Variants in CALML6 observed in about 807,000 individuals in gnomAD.
CALML6 encodes the protein calmodulin-like protein 6.
Under a neutral mutation model 25.0 loss-of-function variants are expected in CALML6, and 27 were observed. The observed-to-expected ratio is 1.08, with a 90% CI of 0.80 to 1.49. The LOEUF (loss-of-function observed/expected upper bound fraction) is 1.49. Ranked by LOEUF, CALML6 falls within the 40% of genes most tolerant of loss-of-function variation. CALML6 has a pLI of 0.00. For synonymous variants in CALML6, 97 were observed against 87.2 expected, an observed-to-expected ratio of 1.11 and a Z score of -0.63; for missense variants, 239 against 232.7, an observed-to-expected ratio of 1.03 and a Z score of -0.18.
chr1:1,917,247 C>A lies in CALML6; in HGVS notation c.*54C>A, dbSNP rs1570794407. The A allele has an allele frequency of 9.2e-6, 14 of 1,519,092 alleles. No homozygotes were observed. The highest frequency in any genetic ancestry group is 1.2e-5 in the Non-Finnish European group (13 of 1,126,722). The allele number at this position is 1,519,092 out of a possible 1,614,324, so 94.1% of individuals were successfully genotyped here. A position where few individuals can be genotyped will look rare whatever the true frequency, so the allele number is the denominator to read the frequency against. ...GCCCGGGAAGGCTGCTGCCCCTGCC[C>A]CCTGGCCCCCACTCCCCCGGCTCCG... On this transcript the variant is annotated 3_prime_UTR_variant, in exon 6 of 6. Coordinates refer to ENST00000307786, the MANE Select transcript of CALML6 (RefSeq NM_138705.4).
chr1:1,916,771 C>T lies in CALML6; in HGVS notation c.273C>T (p.Cys91=), dbSNP rs367726631. 1.2e-5 allele frequency: 19 copies of T among 1,613,448 alleles called. No individual in the cohort carries two copies. Among genetic ancestry groups the T allele is most frequent in the East Asian group, 6.7e-5 (3 of 44,894 alleles). ...VDRDNKGFFN[C]DGFLALMGVY... ...TTGCAGACAAAGGGTTCTTCAACTG[C>T]GATGGTTTCCTGGCACTAATGGGAG... The change falls in exon 4 of 6, where the codon TGC becomes TGT. Residue 91 remains cysteine (C), a synonymous_variant. Coordinates refer to ENST00000307786, the MANE Select transcript of CALML6 (RefSeq NM_138705.4).
chr1:1,915,368 G>A lies in CALML6; in HGVS notation c.27+61G>A, dbSNP rs1168602888. On this transcript the variant is annotated intron_variant, in intron 1 of 5. Transcript: ENST00000307786. ...AGACCTGCTGGAGGGCCGCACCTCTGGGAAGGTAGACTTGGAGCTTGGTCC... is the reference window on the plus strand; with the variant it reads ...AGACCTGCTGGAGGGCCGCACCTCTAGGAAGGTAGACTTGGAGCTTGGTCC... 3.2e-6 allele frequency: 5 copies of A among 1,547,934 alleles called. No homozygotes were observed. In the South Asian group the frequency reaches 6.0e-5, roughly 18 times the overall value.
chr1:1,916,455 G>T lies in CALML6; in HGVS notation c.93G>T (p.Ser31=), dbSNP rs41315320. ...GTCCCCTGCAGACAGAGCGCCTGTC[G>T]GCTGAGCAGATCAAGGAGTACAAGG... ...QTTTDMTERL[S]AEQIKEYKGV... The change falls in exon 3 of 6, where the codon TCG becomes TCT. Residue 31 remains serine, a synonymous_variant. Transcript: ENST00000307786. 4.5e-4 allele frequency: 698 copies of T among 1,540,526 alleles called. 6 individuals carry two copies. The South Asian group carries it at 5.6e-3, about 12-fold the overall frequency.
intron 2 of CALML6, chr1:1,916,046 T>A (rs761513600): frequency 2.1e-6 from 1 of 470,712 alleles, no homozygotes; most frequent in Non-Finnish European, 3.9e-6. Flanking sequence ...TGTATCCCAA[T>A]CCTGGGCTGG....
rs1375806965 is a variant in CALML6 at position 1,916,599 on chromosome 1, G to C, written c.237G>C (p.Lys79Asn). Reference protein sequence around the residue: ...PTKSELASMAKDVDRDNKGFF... With the variant: ...PTKSELASMANDVDRDNKGFF... ...AGAGTGAGCTGGCCTCAATGGCCAAGGATGTGGACAGAGACAGTGAGCTCA... is the reference window on the plus strand; with the variant it reads ...AGAGTGAGCTGGCCTCAATGGCCAACGATGTGGACAGAGACAGTGAGCTCA... Residue 79 changes from lysine to asparagine, a missense_variant, in exon 3 of 6, where the codon AAG becomes AAC. Lys to Asn is a moderately conservative substitution (Grantham distance 94). This residue lies in a region of CALML6 where 231 missense variants were observed against 210.9 expected (regional missense o/e 1.10). Transcript: ENST00000307786. 1 of 1,607,352 alleles carries C rather than the reference G, an allele frequency of 6.2e-7. No individual in the cohort carries two copies. Among genetic ancestry groups the C allele is most frequent in the South Asian group, 1.1e-5 (1 of 90,304 alleles).
chr1:1,916,247 C>T, intron 2 of CALML6, 194 bp from the exon 3 acceptor site: 1 of 531,446 alleles, frequency 1.9e-6, no homozygotes, highest in East Asian at 3.0e-5. Flanking sequence ...CTGGCAGAGC[C>T]CTGCTGGCCC....
At chr1:1,915,591 T>G in intron 1 of CALML6, 94 bp from the exon 2 acceptor site, 2 of 1,410,588 alleles carry the variant, frequency 1.4e-6, no homozygotes, top group Non-Finnish European at 2.0e-6. Context: ...TTCCCACCCA[T>G]AAAAGGCTCT....
In CALML6 at chr1:1,916,772, G is replaced by A. The variant is rs778639993; in HGVS notation, c.274G>A (p.Asp92Asn). 6.2e-6 allele frequency: 10 copies of A among 1,613,608 alleles called. No individual in the cohort carries two copies. Among genetic ancestry groups the A allele is most frequent in the East Asian group, 4.5e-5 (2 of 44,886 alleles). ...DRDNKGFFNC[D>N]GFLALMGVYH... ...TGCAGACAAAGGGTTCTTCAACTGC[G>A]ATGGTTTCCTGGCACTAATGGGAGT... Residue 92 changes from aspartate (D) to asparagine (N), a missense_variant, in exon 4 of 6, where the codon GAT becomes AAT. By Grantham distance (23) the Asp-to-Asn change is conservative. This residue lies in a region of CALML6 where 231 missense variants were observed against 210.9 expected (regional missense o/e 1.10). Transcript: ENST00000307786.
chr1:1,916,287 C>A (rs2102018180), intron 2 of CALML6, 154 bp from the exon 3 acceptor site: 1 of 677,732 alleles, frequency 1.5e-6, no homozygotes, highest in Non-Finnish European at 2.4e-6. Flanking sequence ...ACCCCTTGTC[C>A]TGGAAGCCTG....
rs940798388 is a variant in CALML6 at position 1,917,253 on chromosome 1, C to T, written c.*60C>T. On this transcript the variant is annotated 3_prime_UTR_variant, in exon 6 of 6. Coordinates refer to ENST00000307786, the MANE Select transcript of CALML6 (RefSeq NM_138705.4). ...GAAGGCTGCTGCCCCTGCCCCCTGG[C>T]CCCCACTCCCCCGGCTCCGTGTAAA... is the stretch of plus-strand genomic sequence containing the variant. 3.9e-5 allele frequency: 58 copies of T among 1,479,862 alleles called. No individual in the cohort carries two copies. The highest frequency in any genetic ancestry group is 3.6e-4 in the African/African-American group (26 of 71,846). The allele number at this position is 1,479,862 out of a possible 1,614,324, so 91.7% of individuals were successfully genotyped here.
intron 1 of CALML6, 172 bp from the exon 2 acceptor site, chr1:1,915,513 C>G: frequency 7.9e-7 from 1 of 1,269,600 alleles, no homozygotes; most frequent in East Asian, 2.5e-5. Flanking sequence ...AAGCCCAGGC[C>G]AAAGCGGGCC....
In CALML6 at chr1:1,916,751, G is replaced by T. The variant is rs758437010; in HGVS notation, c.254-1G>T. The T allele has an allele frequency of 6.2e-7, 1 of 1,613,530 alleles. No individual in the cohort carries two copies. Among genetic ancestry groups the T allele is most frequent in the Non-Finnish European group, 8.5e-7 (1 of 1,180,014 alleles). Reference sequence around the variant, plus strand: ...TTGAGCCCCAGCTGTGCCCCTTGCAGACAAAGGGTTCTTCAACTGCGATGG... The same window carrying T: ...TTGAGCCCCAGCTGTGCCCCTTGCATACAAAGGGTTCTTCAACTGCGATGG... On this transcript the variant is annotated splice_acceptor_variant, in intron 3 of 5. Transcript: ENST00000307786. LOFTEE classifies it high-confidence loss of function.
chr1:1,916,512 C>G lies in CALML6; in HGVS notation c.150C>G (p.Asn50Lys). 6.2e-7 allele frequency: 1 copy of G among 1,604,034 alleles called. No homozygotes were observed. The highest frequency in any genetic ancestry group is 1.1e-5 in the South Asian group (1 of 89,938). The change falls in exon 3 of 6, where the codon AAC (asparagine) becomes AAG (lysine). Residue 50 changes from asparagine (N) to lysine (K), a missense_variant. Physicochemically the swap from Asn to Lys is moderately conservative, Grantham distance 94. Transcript: ENST00000307786. ...GVFEMFDEEG[N>K]GEVKTGELEW... ...TTGAGATGTTCGACGAAGAGGGCAA[C>G]GGGGAGGTGAAGACGGGGGAGCTGG... is the stretch of plus-strand genomic sequence containing the variant.
chr1:1,916,600 G>T lies in CALML6; in HGVS notation c.238G>T (p.Asp80Tyr), dbSNP rs745607903. ...GAGTGAGCTGGCCTCAATGGCCAAG[G>T]ATGTGGACAGAGACAGTGAGCTCAT... ...TKSELASMAK[D>Y]VDRDNKGFFN... The change falls in exon 3 of 6, where the codon GAT (aspartate) becomes TAT (tyrosine). Residue 80 changes from aspartate to tyrosine, a missense_variant. Asp to Tyr is a radical substitution (Grantham distance 160, BLOSUM62 -3). Transcript: ENST00000307786. 1 of 1,607,848 alleles carries T rather than the reference G, an allele frequency of 6.2e-7. No individual in the cohort carries two copies. The highest frequency in any genetic ancestry group is 8.5e-7 in the Non-Finnish European group (1 of 1,176,886).
intron 1 of CALML6, 112 bp from the exon 2 acceptor site, chr1:1,915,572 CG>C (rs757833396): frequency 2.6e-5 from 34 of 1,300,784 alleles, no homozygotes; most frequent in Non-Finnish European, 3.0e-5. Context: ...AAAATAGGGC[CG>C]GCAGGATTTC....
intron 2 of CALML6, 55 bp from the exon 3 acceptor site, chr1:1,916,386 T>C: frequency 1.4e-6 from 2 of 1,455,726 alleles, no homozygotes; most frequent in East Asian, 5.0e-5. Flanking sequence ...GACCCTTCCC[T>C]GGACACAGGG....
chr1:1,915,917 T>C (rs1651091899), intron 2 of CALML6, 182 bp downstream of exon 2: 3 of 637,800 alleles, frequency 4.7e-6, no homozygotes, highest in Non-Finnish European at 8.4e-6. Context: ...GGAGCAGCCC[T>C]TTCTGAAAGC....
In CALML6 at chr1:1,915,975, G is replaced by A. The variant is rs1651094267; in HGVS notation, c.78+240G>A. ...AGTGGTGGCAGGCAGGTGTGGCCCGGTGCTGGACTCTCCCTCCGGAATGCC... is the reference window on the plus strand; with the variant it reads ...AGTGGTGGCAGGCAGGTGTGGCCCGATGCTGGACTCTCCCTCCGGAATGCC... On this transcript the variant is annotated intron_variant, in intron 2 of 5. Coordinates refer to ENST00000307786, the MANE Select transcript of CALML6 (RefSeq NM_138705.4). 5.2e-6 allele frequency: 3 copies of A among 577,610 alleles called. No homozygotes were observed. In the Admixed American group the frequency reaches 8.8e-5, roughly 17 times the overall value. 35.8% of individuals were successfully genotyped at this position (577,610 alleles called of 1,614,324 possible). A position where few individuals can be genotyped will look rare whatever the true frequency, so the allele number is the denominator to read the frequency against.
Position 1,916,495 on chromosome 1 carries a change from T to A in CALML6, c.133T>A (p.Phe45Ile). The change falls in exon 3 of 6, where the codon TTC becomes ATC. Residue 45 changes from phenylalanine (F) to isoleucine (I), a missense_variant. Physicochemically the swap from Phe to Ile is conservative, Grantham distance 21. Around this residue, in one of 2 missense-constraint regions of CALML6, gnomAD observed 231 missense variants for 210.9 expected, o/e 1.10. Coordinates refer to ENST00000307786, the MANE Select transcript of CALML6 (RefSeq NM_138705.4). The stretch of plus-strand genomic sequence containing the variant: ...GGAGTACAAGGGAGTCTTTGAGATG[T>A]TCGACGAAGAGGGCAACGGGGAGGT... ...IKEYKGVFEM[F>I]DEEGNGEVKT... 1 of 1,585,070 alleles carries A rather than the reference T, an allele frequency of 6.3e-7. No homozygotes were observed. The highest frequency in any genetic ancestry group is 8.6e-7 in the Non-Finnish European group (1 of 1,165,810).
Sources: allele counts gnomAD v4.1 joint callset, GRCh38; gene constraint gnomAD v4.1.1; regional missense constraint gnomAD v4.1.1; transcripts MANE v1.5; gene names NCBI Gene and HGNC (gene_info 2026-07-23, HGNC 2026-07-21).